The following GRIN2A variants were observed in gnomAD, a reference collection of about 807,000 sequenced individuals.
The protein encoded by GRIN2A is glutamate ionotropic receptor NMDA type subunit 2A.
In GRIN2A, 22 loss-of-function variants were observed where a neutral mutation model predicts 113.4. The ratio of observed to expected loss-of-function variants is 0.19; its 90% CI spans 0.14 to 0.28. GRIN2A has a LOEUF of 0.28. Among genes scored for constraint, GRIN2A ranks in the 10% least tolerant of loss-of-function variants. The probability of loss-of-function intolerance (pLI) is 1.00; values close to 1 mark genes in which losing one functional copy is unlikely to be tolerated. For synonymous variants in GRIN2A, 827 were observed against 738.4 expected (o/e 1.12, Z -1.94); for missense variants, 1,502 against 1,887.0 (o/e 0.80, Z 3.78).
At chr16:9,929,142 T>G (rs1432586710) in intron 3 of GRIN2A, among the ~76,000 whole-genome samples, 1 of 152,180 alleles carries the variant, frequency 6.6e-6, no homozygotes, top group Non-Finnish European at 1.5e-5. Flanking sequence ...ACCCAGGCCC[T>G]CCTGAGTCAT....
At chr16:10,016,016 T>C (rs2046603347) in intron 2 of GRIN2A, among the ~76,000 whole-genome samples, 1 of 148,836 alleles carries the variant, frequency 6.7e-6, no homozygotes, top group African/African-American at 2.5e-5. Flanking sequence ...CTCAGGAGGC[T>C]GAGACAGGAG....
intron 4 of GRIN2A, among the ~76,000 whole-genome samples, chr16:9,856,960 G>T (rs185239632): frequency 2.7e-3 from 418 of 152,194 alleles, no homozygotes; most frequent in African/African-American, 8.5e-3. Flanking sequence ...AAGCCAATAT[G>T]GACAATGATA....
At chr16:10,013,698 G>A (rs1298598635) in intron 2 of GRIN2A, among the ~76,000 whole-genome samples, 3 of 152,202 alleles carry the variant, frequency 2.0e-5, no homozygotes, top group East Asian at 1.9e-4. Context: ...CAAGGACAGC[G>A]AAACCATGAC....
intron 11 of GRIN2A, among the ~76,000 whole-genome samples, chr16:9,779,856 C>T (rs760914523): frequency 1.3e-5 from 2 of 152,304 alleles, no homozygotes; most frequent in African/African-American, 4.8e-5. Flanking sequence ...TGGAAGAGCA[C>T]ATGCGGGTGG....
intron 2 of GRIN2A, among the ~76,000 whole-genome samples, chr16:10,054,676 TATAA>T (rs2047414890): frequency 6.6e-6 from 1 of 152,222 alleles, no homozygotes; most frequent in Non-Finnish European, 1.5e-5. Flanking sequence ...ATATTTAAAA[TATAA>T]ATAGTTAAAA....
chr16:10,045,354 G>C (rs1427270706), intron 2 of GRIN2A, among the ~76,000 whole-genome samples: 2 of 152,072 alleles, frequency 1.3e-5, no homozygotes, highest in East Asian at 3.8e-4. Context: ...GTTTACCAAG[G>C]GTCTCTGGCT....
At chr16:10,175,591 G>C (rs969402311) in intron 2 of GRIN2A, among the ~76,000 whole-genome samples, 2 of 152,174 alleles carry the variant, frequency 1.3e-5, no homozygotes, top group African/African-American at 2.4e-5. Context: ...CTGCGGAGGA[G>C]AGAAGCATTT....
At chr16:10,066,472 A>T (rs1436048279) in intron 2 of GRIN2A, among the ~76,000 whole-genome samples, 1 of 152,202 alleles carries the variant, frequency 6.6e-6, no homozygotes, top group East Asian at 1.9e-4. Context: ...ATGCTGCAAA[A>T]TAGCAGTTCC....
chr16:10,168,951 G>A (rs896900085), intron 2 of GRIN2A, among the ~76,000 whole-genome samples: 2 of 148,416 alleles, frequency 1.3e-5, no homozygotes, highest in Non-Finnish European at 3.0e-5. Flanking sequence ...GGCGACAAGA[G>A]CAAAACTCTG....
chr16:9,973,989 G>C (rs2045726305), intron 2 of GRIN2A, among the ~76,000 whole-genome samples: 1 of 152,076 alleles, frequency 6.6e-6, no homozygotes, highest in Non-Finnish European at 1.5e-5. Flanking sequence ...TTAATGAAGA[G>C]CATTAGAAGC....
At chr16:9,912,256 G>A (rs755481039) in intron 3 of GRIN2A, among the ~76,000 whole-genome samples, 70 of 152,200 alleles carry the variant, frequency 4.6e-4, no homozygotes, top group Non-Finnish European at 5.0e-4. Context: ...TGGTGATGGT[G>A]TGATGTTGAT....
intron 5 of GRIN2A, among the ~76,000 whole-genome samples, chr16:9,844,356 C>G (rs776828260): frequency 6.6e-5 from 10 of 152,140 alleles, no homozygotes; most frequent in Non-Finnish European, 1.5e-4. Context: ...CTTGGGGACA[C>G]AGGATGAAAA....
intron 7 of GRIN2A, 64 bp from the exon 8 acceptor site, chr16:9,834,294 A>T: frequency 6.5e-7 from 1 of 1,536,822 alleles, no homozygotes; most frequent in Non-Finnish European, 9.0e-7. Context: ...TTCCAGCAGG[A>T]AGCCCAGACA....
intron 2 of GRIN2A, among the ~76,000 whole-genome samples, chr16:10,010,342 C>A (rs1191127821): frequency 6.6e-6 from 1 of 152,146 alleles, no homozygotes; most frequent in East Asian, 1.9e-4. Context: ...CCTTATTCCA[C>A]AGACAGGAAA....
At chr16:10,181,406 G>A (rs1238552889) in intron 1 of GRIN2A, among the ~76,000 whole-genome samples, 1 of 152,216 alleles carries the variant, frequency 6.6e-6, no homozygotes, top group Non-Finnish European at 1.5e-5. Flanking sequence ...CCTTTCTACT[G>A]CGGGCGCTGT....
rs1900742896 is a variant in GRIN2A at position 9,764,084 on chromosome 16, G to A, written c.3460C>T (p.Pro1154Ser). 1.2e-6 allele frequency: 2 copies of A among 1,613,534 alleles called. No individual in the cohort carries two copies. Among genetic ancestry groups the A allele is most frequent in the Non-Finnish European group, 1.7e-6 (2 of 1,179,534 alleles). Residue 1154 changes from proline (P) to serine (S), a missense_variant, in exon 13 of 13, where the codon CCC becomes TCC. Around this residue, in one of 7 missense-constraint regions of GRIN2A, gnomAD observed 832 missense variants for 789.7 expected, o/e 1.05. Coordinates refer to ENST00000330684, the MANE Select transcript of GRIN2A (RefSeq NM_001134407.3). ...TCCCCCTTGCGGAAGTTTTCACTGG[G>A]ATCCTGGTAGGGGTCCGGGAAGTCC... is the stretch of plus-strand genomic sequence containing the variant. ...NVDFPDPYQD[P>S]SENFRKGDST...
At chr16:9,950,204 G>C (rs2045144143) in intron 2 of GRIN2A, among the ~76,000 whole-genome samples, 1 of 152,126 alleles carries the variant, frequency 6.6e-6, no homozygotes. Context: ...AGATGACTGA[G>C]GGCTCTTGTG....
At chr16:9,951,458 G>A (rs1249701660) in intron 2 of GRIN2A, among the ~76,000 whole-genome samples, 2 of 152,212 alleles carry the variant, frequency 1.3e-5, no homozygotes, top group African/African-American at 4.8e-5. Context: ...TTGTGTTTGT[G>A]TATGTGCGCA....
At chr16:9,928,439 G>C (rs2044514121) in intron 3 of GRIN2A, among the ~76,000 whole-genome samples, 1 of 152,156 alleles carries the variant, frequency 6.6e-6, no homozygotes, top group Non-Finnish European at 1.5e-5. Flanking sequence ...TCTCCCTTTT[G>C]GTAGAAAGGA....
Sources: allele counts gnomAD v4.1 joint callset (sites outside exome capture counted in the v4.1 genomes callset), GRCh38; gene constraint gnomAD v4.1.1; regional missense constraint gnomAD v4.1.1; transcripts MANE v1.5; gene names NCBI Gene and HGNC (gene_info 2026-07-23, HGNC 2026-07-21).